VAT1L: variants seen among roughly 807,000 people sequenced by gnomAD.
VAT1L encodes vesicle amine transport 1 like.
VAT1L carries 34 observed loss-of-function variants against 44.1 expected under a neutral mutation model. The ratio of observed to expected loss-of-function variants is 0.77; its 90% confidence interval spans 0.59 to 1.03. The LOEUF is 1.03. VAT1L is among the 50% of genes least tolerant of loss of function. The pLI is 0.00. For synonymous variants in VAT1L, 253 were observed against 202.2 expected (o/e 1.25, Z -2.13); for missense variants, 615 against 538.8 (o/e 1.14, Z -1.40).
At chr16:77,868,981 T>C (rs1417382675) in intron 4 of VAT1L, among the ~76,000 whole-genome samples, 1 of 151,884 alleles carries the variant, frequency 6.6e-6, no homozygotes, top group Admixed American at 6.6e-5. Flanking sequence ...TTAAATGGAG[T>C]AAACATTGCA....
chr16:77,863,836 A>G (rs74027221), intron 4 of VAT1L, among the ~76,000 whole-genome samples: 185 of 152,282 alleles, frequency 1.2e-3, no homozygotes, highest in African/African-American at 4.4e-3. Context: ...CATAAAGACC[A>G]TGTACACCAA....
chr16:77,976,510 G>A (rs150832375), intron 8 of VAT1L, among the ~76,000 whole-genome samples: 3 of 152,216 alleles, frequency 2.0e-5, no homozygotes, highest in Non-Finnish European at 2.9e-5. Context: ...AGATTCAGGG[G>A]CCAAATTCCT....
At chr16:77,920,638 G>C (rs774645948) in intron 7 of VAT1L, among the ~76,000 whole-genome samples, 2 of 152,174 alleles carry the variant, frequency 1.3e-5, no homozygotes, top group Non-Finnish European at 2.9e-5. Context: ...GTTTGCTTAA[G>C]ACAGTGATCC....
At chr16:77,867,458 G>A (rs1360407532) in intron 4 of VAT1L, among the ~76,000 whole-genome samples, 2 of 151,806 alleles carry the variant, frequency 1.3e-5, no homozygotes, top group African/African-American at 2.4e-5. Flanking sequence ...CAGACCTTTT[G>A]TTCATTCATT....
intron 7 of VAT1L, among the ~76,000 whole-genome samples, chr16:77,890,094 G>A (rs766192856): frequency 2.0e-5 from 3 of 151,610 alleles, no homozygotes; most frequent in Non-Finnish European, 2.9e-5. Flanking sequence ...TTCACAAAAA[G>A]AGAGAGAATG....
At chr16:77,862,062 A>T (rs1332180971) in intron 3 of VAT1L, among the ~76,000 whole-genome samples, 1 of 152,206 alleles carries the variant, frequency 6.6e-6, no homozygotes, top group Non-Finnish European at 1.5e-5. Flanking sequence ...AGCGCTGTGA[A>T]GTAGGTGGCA....
At chr16:77,949,079 T>C (rs896323486) in intron 7 of VAT1L, among the ~76,000 whole-genome samples, 1 of 152,048 alleles carries the variant, frequency 6.6e-6, no homozygotes, top group Non-Finnish European at 1.5e-5. Context: ...GGCAGCAGGA[T>C]GGGGGCAGAT....
intron 3 of VAT1L, among the ~76,000 whole-genome samples, chr16:77,830,745 G>A (rs975793862): frequency 6.6e-6 from 1 of 152,128 alleles, no homozygotes; most frequent in Non-Finnish European, 1.5e-5. Flanking sequence ...GGGCTGTGGC[G>A]CAGTCTCAGC....
At chr16:77,882,239 A>G (rs986810598) in intron 6 of VAT1L, 5 of 152,244 alleles carry the variant, frequency 3.3e-5, no homozygotes, top group South Asian at 4.1e-4. Flanking sequence ...GTCGACTGGA[A>G]TTATACAGGA....
At chr16:77,841,460 C>T (rs2016705036) in intron 3 of VAT1L, among the ~76,000 whole-genome samples, 1 of 152,200 alleles carries the variant, frequency 6.6e-6, no homozygotes, top group Non-Finnish European at 1.5e-5. Flanking sequence ...GGGTGTATTT[C>T]CTCCTTGTTG....
At chr16:77,862,998 A>T in intron 4 of VAT1L, 108 bp downstream of exon 4, 2 of 1,355,528 alleles carry the variant, frequency 1.5e-6, no homozygotes, top group Non-Finnish European at 2.0e-6. Context: ...GCAAACATAT[A>T]TTGGGGGCTT....
In VAT1L at chr16:77,825,396, C is replaced by G; in HGVS notation, c.514C>G (p.Leu172Val). Residue 172 changes from leucine to valine, a missense_variant, in exon 3 of 9, where the codon CTG (leucine) becomes GTG (valine). Physicochemically the swap from Leu to Val is conservative, Grantham distance 32 (BLOSUM62 1). Coordinates refer to ENST00000302536, the MANE Select transcript of VAT1L (RefSeq NM_020927.3). ...PMNFVTAYVM[L>V]FEVANLREGM... ...GAACTTCGTCACAGCCTATGTGATG[C>G]TGTTTGAAGTTGCCAACCTCCGGGA... 6.2e-7 allele frequency: 1 copy of G among 1,613,294 alleles called. No individual in the cohort carries two copies. The highest frequency in any genetic ancestry group is 1.3e-5 in the African/African-American group (1 of 75,038).
intron 1 of VAT1L, among the ~76,000 whole-genome samples, chr16:77,798,052 C>T (rs2015970206): frequency 6.6e-6 from 1 of 152,170 alleles, no homozygotes; most frequent in African/African-American, 2.4e-5. Context: ...TCCTCAGTCT[C>T]CTGTCACTGA....
chr16:77,946,279 C>CTTTTTTTTTTTTTTTT (rs66461822), intron 7 of VAT1L, among the ~76,000 whole-genome samples: 871 of 70,400 alleles, frequency 0.012, 235 homozygotes, highest in East Asian at 0.026. Context: ...GTTACTTGTT[C>CTTTTTTTTTTTTTTTT]TTTTTTTTTT....
At chr16:77,828,925 A>G (rs1196469577) in intron 3 of VAT1L, among the ~76,000 whole-genome samples, 1 of 152,082 alleles carries the variant, frequency 6.6e-6, no homozygotes, top group African/African-American at 2.4e-5. Flanking sequence ...AATATCCCAA[A>G]TCTGTGTTTT....
At chr16:77,968,337 T>G (rs1490637100) in intron 7 of VAT1L, among the ~76,000 whole-genome samples, 4 of 152,096 alleles carry the variant, frequency 2.6e-5, no homozygotes, top group African/African-American at 9.7e-5. Flanking sequence ...AGTCAAGTGG[T>G]GAAACAATAG....
chr16:77,901,803 T>C (rs1409243448), intron 7 of VAT1L, among the ~76,000 whole-genome samples: 1 of 152,096 alleles, frequency 6.6e-6, no homozygotes, highest in African/African-American at 2.4e-5. Context: ...CCTGAAATAA[T>C]CTAACCAATG....
chr16:77,818,931 G>C (rs2016401411), intron 2 of VAT1L, among the ~76,000 whole-genome samples: 1 of 152,194 alleles, frequency 6.6e-6, no homozygotes, highest in Admixed American at 6.5e-5. Context: ...GATCGCAAAG[G>C]ATGATGAAAA....
intron 7 of VAT1L, among the ~76,000 whole-genome samples, chr16:77,969,738 G>C (rs1295553976): frequency 1.3e-5 from 2 of 151,960 alleles, no homozygotes; most frequent in African/African-American, 2.4e-5. Context: ...CCAGGCAATG[G>C]GGATGACTGA....
Sources: gnomAD v4.1 joint callset for allele counts (sites outside exome capture counted in the v4.1 genomes callset) on GRCh38, gnomAD v4.1.1 for gene constraint, MANE v1.5 for transcripts, NCBI Gene and HGNC (gene_info 2026-07-23, HGNC 2026-07-21) for gene names.